SULF2: variants seen among roughly 807,000 people sequenced by gnomAD.
SULF2 encodes the protein sulfatase 2.
Under a neutral mutation model 107.7 loss-of-function variants are expected in SULF2, and 52 were observed. The ratio of observed to expected loss-of-function variants is 0.48; its 90% CI spans 0.39 to 0.61. The LOEUF is 0.61. Ranked by LOEUF, SULF2 falls within the 20% of genes least tolerant of loss-of-function variation. The pLI, the probability that SULF2 is intolerant of heterozygous loss-of-function variation, is 0.00. For synonymous variants in SULF2, 460 were observed against 464.3 expected (o/e 0.99, Z 0.12); for missense variants, 993 against 1,177.3 (o/e 0.84, Z 2.29).
At chr20:47,681,067 A>T (rs2087808957) in intron 7 of SULF2, among the ~76,000 whole-genome samples, 1 of 152,238 alleles carries the variant, frequency 6.6e-6, no homozygotes, top group South Asian at 2.1e-4. Context: ...CTTCCTAAAC[A>T]GGATGGCTGA....
intron 17 of SULF2, among the ~76,000 whole-genome samples, chr20:47,662,155 A>G (rs904259483): frequency 9.9e-5 from 15 of 152,180 alleles, no homozygotes; most frequent in Non-Finnish European, 2.2e-4. Context: ...TTAACGTTGG[A>G]GTTCTGCAGC....
At chr20:47,665,800 G>C (rs1039543079) in intron 13 of SULF2, 57 bp downstream of exon 13, 13 of 1,467,496 alleles carry the variant, frequency 8.9e-6, no homozygotes, top group Non-Finnish European at 1.2e-5. Context: ...TGTGAACCGG[G>C]GGTCCTGCCA....
intron 1 of SULF2, among the ~76,000 whole-genome samples, chr20:47,768,589 G>A (rs1261692074): frequency 6.6e-6 from 1 of 152,232 alleles, no homozygotes; most frequent in South Asian, 2.1e-4. Flanking sequence ...GGCCTCCTTG[G>A]CCTGTGCCCA....
chr20:47,697,734 G>A (rs774329941), intron 4 of SULF2, among the ~76,000 whole-genome samples: 1 of 152,184 alleles, frequency 6.6e-6, no homozygotes, highest in South Asian at 2.1e-4. Context: ...GGAGATGTGT[G>A]TGGGCAGGAA....
Position 47,657,492 on chromosome 20 carries a change from A to ATACTT in SULF2, c.*865_*869dup, listed in dbSNP as rs1555820899. ...CTGGGGTTTTGAACACTGTATGACAATACTTAAACTACAAAATTTTTTTTA... is the reference window on the plus strand; with the variant it reads ...CTGGGGTTTTGAACACTGTATGACAATACTTTACTTAAACTACAAAATTTTTTTTA... On this transcript the variant is annotated 3_prime_UTR_variant, in exon 21 of 21. Transcript: ENST00000688720. 6.6e-6 allele frequency: 1 copy of ATACTT among 152,224 alleles called. No individual in the cohort carries two copies. The highest frequency in any genetic ancestry group is 1.5e-5 in the Non-Finnish European group (1 of 68,036). 9.4% of individuals were successfully genotyped at this position (152,224 alleles called of 1,614,324 possible).
In SULF2 at chr20:47,710,891, C is replaced by T. The variant is rs146159326; in HGVS notation, c.416-8221G>A. ...AGTTAAGTGCTCCTGGGGAACGATT[C>T]GGAGCCTGATGGGAGGAGGAGACCC... is the stretch of plus-strand genomic sequence containing the variant. On this transcript the variant is annotated intron_variant, in intron 3 of 20. Transcript: ENST00000688720. Among the ~76,000 whole-genome samples, 381 of 152,274 alleles carry T rather than the reference C, an allele frequency of 2.5e-3. 2 individuals are homozygous for T. Among genetic ancestry groups the T allele is most frequent in the African/African-American group, 8.7e-3 (363 of 41,554 alleles).
chr20:47,682,636 G>C (rs147366396), intron 7 of SULF2, among the ~76,000 whole-genome samples: 4,014 of 152,200 alleles, frequency 0.026, 75 homozygotes, highest in Non-Finnish European at 0.039. Context: ...CTGTGGTCCG[G>C]GGTTCCTCCC....
rs1340515267 is a variant in SULF2, at chr20:47,678,654, A to G, written c.1193+22T>C. On this transcript the variant is annotated intron_variant, in intron 8 of 20. Transcript: ENST00000688720. The surrounding 1 kb of genome is among the most constrained non-coding windows in gnomAD (Gnocchi z 4.5). Reference sequence around the variant, plus strand: ...AGGTCAATGTCCCGGCCCCCTCAACACCTGCCCTGCTCCGTCCTCACCGAT... The same window carrying G: ...AGGTCAATGTCCCGGCCCCCTCAACGCCTGCCCTGCTCCGTCCTCACCGAT... 1 of 1,612,766 alleles carries G rather than the reference A, an allele frequency of 6.2e-7. No individual in the cohort carries two copies. The highest frequency in any genetic ancestry group is 8.5e-7 in the Non-Finnish European group (1 of 1,179,672).
At chr20:47,776,547 C>A (rs916983174) in intron 1 of SULF2, among the ~76,000 whole-genome samples, 4 of 152,170 alleles carry the variant, frequency 2.6e-5, no homozygotes, top group Non-Finnish European at 5.9e-5. Context: ...CTCTCCTGGG[C>A]TGTGACCGCT....
chr20:47,711,090 G>A (rs114494524), intron 3 of SULF2, among the ~76,000 whole-genome samples: 1 of 152,208 alleles, frequency 6.6e-6, no homozygotes, highest in Non-Finnish European at 1.5e-5. Flanking sequence ...ACGGACAATG[G>A]GGGAGACAGA....
intron 1 of SULF2, among the ~76,000 whole-genome samples, chr20:47,771,915 G>A (rs2090637796): frequency 6.6e-6 from 1 of 152,216 alleles, no homozygotes; most frequent in Non-Finnish European, 1.5e-5. Flanking sequence ...GTTTTTTACA[G>A]GCAGCTCCCC....
At chr20:47,755,238 G>A (rs2090254007) in intron 2 of SULF2, among the ~76,000 whole-genome samples, 1 of 152,154 alleles carries the variant, frequency 6.6e-6, no homozygotes, top group Non-Finnish European at 1.5e-5. Flanking sequence ...TGTATTTTAA[G>A]TCAGCCACGG....
chr20:47,737,760 T>G (rs916319134), intron 2 of SULF2, among the ~76,000 whole-genome samples: 3 of 131,240 alleles, frequency 2.3e-5, no homozygotes, highest in East Asian at 4.3e-4. Context: ...TCTTTGTTTT[T>G]TTTTTTTTTT....
At chr20:47,718,321 G>T (rs1380150749) in intron 3 of SULF2, among the ~76,000 whole-genome samples, 1 of 152,022 alleles carries the variant, frequency 6.6e-6, no homozygotes, top group Admixed American at 6.6e-5. Flanking sequence ...CCTCTAAATG[G>T]TTACTGTTTT....
chr20:47,711,632 C>G (rs13043978), intron 3 of SULF2, among the ~76,000 whole-genome samples: 3 of 152,190 alleles, frequency 2.0e-5, no homozygotes, highest in Non-Finnish European at 4.4e-5. Context: ...AATCGACAAA[C>G]AGCTCTCTAA....
At chr20:47,693,328 ACCGCCAGTGGTGGACACTTGCTGCCAC>A in intron 4 of SULF2, among the ~76,000 whole-genome samples, 1 of 152,106 alleles carries the variant, frequency 6.6e-6, no homozygotes, top group Non-Finnish European at 1.5e-5. Context: ...ATGAGATGGA[ACCGCCAGTGGTGGACACTTGCTGCCAC>A]CCGCCAGTGG....
chr20:47,731,802 A>T (rs1308749612), intron 3 of SULF2, among the ~76,000 whole-genome samples: 1 of 152,136 alleles, frequency 6.6e-6, no homozygotes, highest in Non-Finnish European at 1.5e-5. Flanking sequence ...GGCGCATATG[A>T]TTTCCTGTTT....
intron 11 of SULF2, among the ~76,000 whole-genome samples, chr20:47,669,255 CCTTCT>C (rs2087382304): frequency 1.3e-5 from 2 of 152,184 alleles, no homozygotes; most frequent in African/African-American, 4.8e-5. Context: ...CCTGGGTCCC[CCTTCT>C]GCTGTGAGCT....
intron 2 of SULF2, among the ~76,000 whole-genome samples, chr20:47,755,083 A>C (rs553673565): frequency 6.6e-6 from 1 of 152,270 alleles, no homozygotes; most frequent in East Asian, 1.9e-4. Flanking sequence ...AGTGATCCTC[A>C]GGCTCCCAAA....
Sources: allele counts gnomAD v4.1 joint callset (sites outside exome capture counted in the v4.1 genomes callset), GRCh38; gene constraint gnomAD v4.1.1; non-coding constraint Gnocchi (gnomAD v3.1); transcripts MANE v1.5; gene names NCBI Gene and HGNC (gene_info 2026-07-23, HGNC 2026-07-21).